Variants in NRG3 observed in about 807,000 individuals in gnomAD.
NRG3 encodes the protein neuregulin 3.
Under a neutral mutation model 66.9 loss-of-function variants are expected in NRG3, and 31 were observed. The observed-to-expected ratio is 0.46, with a 90% CI of 0.35 to 0.63. The LOEUF (loss-of-function observed/expected upper bound fraction) is 0.63. NRG3 is among the 20% of genes least tolerant of loss of function. NRG3 has a pLI of 0.00. For synonymous variants in NRG3, 393 were observed against 359.4 expected (o/e 1.09, Z -1.06); for missense variants, 910 against 878.9 (o/e 1.04, Z -0.45).
chr10:82,929,122 C>G (rs954316072), intron 4 of NRG3, among the ~76,000 whole-genome samples: 3 of 152,194 alleles, frequency 2.0e-5, no homozygotes, highest in Non-Finnish European at 4.4e-5. Context: ...ATGGCACTCT[C>G]ATCACACAAA....
chr10:82,820,662 G>T (rs2061911626), intron 3 of NRG3, among the ~76,000 whole-genome samples: 1 of 152,178 alleles, frequency 6.6e-6, no homozygotes, highest in Non-Finnish European at 1.5e-5. Context: ...TCCAGGAGAA[G>T]ATATGCCATC....
intron 2 of NRG3, among the ~76,000 whole-genome samples, chr10:82,393,861 T>C (rs568663959): frequency 1.6e-4 from 25 of 152,228 alleles, no homozygotes; most frequent in Non-Finnish European, 3.2e-4. Context: ...CTGTGCACTC[T>C]ATGATAATTC....
chr10:82,493,277 A>G (rs1843315874), intron 2 of NRG3, among the ~76,000 whole-genome samples: 1 of 151,824 alleles, frequency 6.6e-6, no homozygotes, highest in African/African-American at 2.4e-5. Flanking sequence ...TGCTCTCCCT[A>G]CCCTGACCTA....
At chr10:82,833,260 C>A (rs978349561) in intron 3 of NRG3, among the ~76,000 whole-genome samples, 1 of 152,128 alleles carries the variant, frequency 6.6e-6, no homozygotes, top group Non-Finnish European at 1.5e-5. Flanking sequence ...TGTTGTCACT[C>A]TCTCTGTTTT....
intron 2 of NRG3, among the ~76,000 whole-genome samples, chr10:82,694,410 G>A (rs1438866618): frequency 6.6e-6 from 1 of 152,092 alleles, no homozygotes; most frequent in Admixed American, 6.6e-5. Flanking sequence ...ATTTTTTGTT[G>A]CTATGTTTTA....
intron 1 of NRG3, among the ~76,000 whole-genome samples, chr10:82,027,505 G>T (rs72823898): frequency 1.3e-5 from 2 of 151,972 alleles, no homozygotes; most frequent in African/African-American, 4.8e-5. Context: ...ATTTAGAAAC[G>T]ATGGTTCTGT....
intron 3 of NRG3, among the ~76,000 whole-genome samples, chr10:82,786,800 T>C (rs1054536877): frequency 6.6e-6 from 1 of 152,190 alleles, no homozygotes; most frequent in Non-Finnish European, 1.5e-5. Flanking sequence ...AGGGCTCTGC[T>C]TTCACGAGTA....
At chr10:82,585,803 CT>C (rs2046635492) in intron 2 of NRG3, among the ~76,000 whole-genome samples, 1 of 152,182 alleles carries the variant, frequency 6.6e-6, no homozygotes, top group Non-Finnish European at 1.5e-5. Flanking sequence ...AAAACATACA[CT>C]GAAGCACTTT....
intron 1 of NRG3, among the ~76,000 whole-genome samples, chr10:82,298,734 TTCTA>T (rs1408011344): frequency 4.8e-4 from 73 of 152,300 alleles, no homozygotes; most frequent in African/African-American, 1.7e-3. Context: ...CAATGAGGAA[TTCTA>T]TGCTGTGCAC....
chr10:82,298,142 CA>C (rs1361528371), intron 1 of NRG3, among the ~76,000 whole-genome samples: 1 of 131,868 alleles, frequency 7.6e-6, no homozygotes, highest in Non-Finnish European at 1.6e-5. Context: ...GAGATTCTGT[CA>C]AAAAAAGAAA....
At chr10:82,345,365 G>A (rs189015776) in intron 1 of NRG3, among the ~76,000 whole-genome samples, 26,081 of 149,914 alleles carry the variant, frequency 0.17, 4,277 homozygotes, top group African/African-American at 0.43. Flanking sequence ...TCAAAGATCA[G>A]ATAGTTGTAG....
intron 2 of NRG3, among the ~76,000 whole-genome samples, chr10:82,638,683 T>C (rs2050361240): frequency 6.6e-6 from 1 of 152,064 alleles, no homozygotes; most frequent in South Asian, 2.1e-4. Flanking sequence ...AGTCTTGCTC[T>C]GTCACCAGGC....
intron 1 of NRG3, among the ~76,000 whole-genome samples, chr10:82,062,284 C>G (rs1250641285): frequency 6.6e-6 from 1 of 152,108 alleles, no homozygotes; most frequent in African/African-American, 2.4e-5. Flanking sequence ...GATTGGATTT[C>G]TGGGAGAGTC....
chr10:82,008,746 A>G (rs931798932), intron 1 of NRG3, among the ~76,000 whole-genome samples: 2 of 152,196 alleles, frequency 1.3e-5, no homozygotes, highest in African/African-American at 4.8e-5. Flanking sequence ...AATAAAAGAA[A>G]AAAATGTATT....
intron 1 of NRG3, among the ~76,000 whole-genome samples, chr10:81,948,036 T>G (rs1849004686): frequency 6.6e-6 from 1 of 152,172 alleles, no homozygotes; most frequent in Admixed American, 6.6e-5. Flanking sequence ...GTCTGAAGGT[T>G]GCTTATTCCA....
chr10:82,672,285 C>T (rs1447433363), intron 2 of NRG3, among the ~76,000 whole-genome samples: 1 of 151,984 alleles, frequency 6.6e-6, no homozygotes, highest in Non-Finnish European at 1.5e-5. Context: ...GGAGGACAGG[C>T]CATGTGGCCA....
intron 2 of NRG3, among the ~76,000 whole-genome samples, chr10:82,389,968 G>A (rs991032141): frequency 2.6e-5 from 4 of 152,120 alleles, no homozygotes; most frequent in African/African-American, 7.2e-5. Flanking sequence ...GCCTATTTCC[G>A]ACAAGTCAGA....
chr10:82,868,112 G>C (rs1351101816), intron 4 of NRG3, among the ~76,000 whole-genome samples: 1 of 152,160 alleles, frequency 6.6e-6, no homozygotes, highest in Admixed American at 6.5e-5. Flanking sequence ...AGCCATGGCT[G>C]TAGCAAACTA....
At chr10:82,585,843 A>C (rs2046638241) in intron 2 of NRG3, among the ~76,000 whole-genome samples, 1 of 152,314 alleles carries the variant, frequency 6.6e-6, no homozygotes, top group Non-Finnish European at 1.5e-5. Flanking sequence ...TGAATATTAT[A>C]GTGTTCATAT....
Sources: allele counts gnomAD v4.1 joint callset (sites outside exome capture counted in the v4.1 genomes callset), GRCh38; gene constraint gnomAD v4.1.1; transcripts MANE v1.5; gene names NCBI Gene and HGNC (gene_info 2026-07-23, HGNC 2026-07-21).